Variants in THSD7B observed in about 807,000 individuals in gnomAD.
THSD7B encodes the protein thrombospondin type-1 domain-containing protein 7B.
Under a neutral mutation model 213.6 loss-of-function variants are expected in THSD7B, and 138 were observed. The observed-to-expected ratio is 0.65, with a 90% CI of 0.56 to 0.74. THSD7B has a LOEUF of 0.74. Among genes scored for constraint, THSD7B ranks in the 30% least tolerant of loss-of-function variants. THSD7B has a pLI of 0.00. For missense variants in THSD7B, 1,931 were observed against 1,991.5 expected (o/e 0.97, Z 0.58); for synonymous variants, 742 against 687.0 (o/e 1.08, Z -1.25).
chr2:137,561,710 A>G (rs1013812385), intron 15 of THSD7B, among the ~76,000 whole-genome samples: 3 of 152,102 alleles, frequency 2.0e-5, no homozygotes, highest in Non-Finnish European at 2.9e-5. Context: ...TACATCTACT[A>G]TCCTATGACT....
intron 16 of THSD7B, among the ~76,000 whole-genome samples, chr2:137,566,746 C>T (rs1272136404): frequency 1.3e-5 from 2 of 151,948 alleles, no homozygotes; most frequent in Non-Finnish European, 2.9e-5. Flanking sequence ...AATATAATAG[C>T]AGTAGAGATA....
chr2:136,856,291 G>A (rs1381530759), intron 1 of THSD7B, among the ~76,000 whole-genome samples: 4 of 152,130 alleles, frequency 2.6e-5, no homozygotes, highest in South Asian at 2.1e-4. Flanking sequence ...TGTTAGGAAA[G>A]GTTGAGGGGT....
chr2:137,615,171 G>A (rs956855883), intron 17 of THSD7B, among the ~76,000 whole-genome samples: 2 of 152,170 alleles, frequency 1.3e-5, no homozygotes, highest in African/African-American at 4.8e-5. Context: ...AAAGGAATTA[G>A]TAAAGAAAGT....
At chr2:137,116,571 C>T (rs1410806003) in intron 5 of THSD7B, among the ~76,000 whole-genome samples, 1 of 152,176 alleles carries the variant, frequency 6.6e-6, no homozygotes, top group East Asian at 1.9e-4. Flanking sequence ...TGCATTATGA[C>T]CTACCTATTT....
rs570230244 is a variant in THSD7B at position 137,156,294 on chromosome 2, A to G, written c.1370-3919A>G. 18 of 152,288 alleles carry G rather than the reference A, an allele frequency of 1.2e-4. No individual in the cohort carries two copies. In the East Asian group the frequency reaches 2.7e-3, roughly 23 times the overall value. 9.4% of individuals were successfully genotyped at this position (152,288 alleles called of 1,614,324 possible). Reference sequence around the variant, plus strand: ...GAGACAGGCTGACCCAAGCACATTGATTCAGTGTCTAAATGAAGCATCTTA... The same window carrying G: ...GAGACAGGCTGACCCAAGCACATTGGTTCAGTGTCTAAATGAAGCATCTTA... On this transcript the variant is annotated intron_variant, in intron 5 of 27. Coordinates refer to ENST00000409968, the MANE Select transcript of THSD7B (RefSeq NM_001316349.2).
At chr2:137,671,503 TAC>T (rs1683577435) in intron 27 of THSD7B, among the ~76,000 whole-genome samples, 1 of 600 alleles carries the variant, frequency 1.7e-3, no homozygotes, top group African/African-American at 2.0e-3. Flanking sequence ...TCAGGAAACT[TAC>T]TTACTTACAA....
At chr2:136,777,283 G>C (rs1033290571) in intron 1 of THSD7B, among the ~76,000 whole-genome samples, 1 of 152,140 alleles carries the variant, frequency 6.6e-6, no homozygotes, top group African/African-American at 2.4e-5. Context: ...TAGTACATGA[G>C]AGCCCAAAAC....
intron 12 of THSD7B, among the ~76,000 whole-genome samples, chr2:137,278,443 T>C (rs1682922747): frequency 6.6e-6 from 1 of 152,154 alleles, no homozygotes; most frequent in Non-Finnish European, 1.5e-5. Flanking sequence ...TATTAAATTA[T>C]CATTCAATTA....
intron 3 of THSD7B, among the ~76,000 whole-genome samples, chr2:137,070,730 A>G (rs1190889064): frequency 6.6e-6 from 1 of 151,310 alleles, no homozygotes; most frequent in Non-Finnish European, 1.5e-5. Flanking sequence ...ACCCCACAAC[A>G]ATCCCCGGTG....
intron 17 of THSD7B, among the ~76,000 whole-genome samples, chr2:137,607,067 T>C (rs7597076): frequency 0.31 from 47,172 of 151,788 alleles, 7,830 homozygotes; most frequent in South Asian, 0.48. Flanking sequence ...TTTAATATAA[T>C]GGGACTGACA....
chr2:137,075,394 T>C (rs1687598208), intron 3 of THSD7B, among the ~76,000 whole-genome samples: 1 of 152,248 alleles, frequency 6.6e-6, no homozygotes, highest in African/African-American at 2.4e-5. Flanking sequence ...CTGAGGCTTC[T>C]GCATTCATCA....
chr2:137,589,745 A>G (rs1681824218), intron 17 of THSD7B, among the ~76,000 whole-genome samples: 1 of 152,224 alleles, frequency 6.6e-6, no homozygotes, highest in African/African-American at 2.4e-5. Context: ...GCAAGCGTGT[A>G]GAATACTTTT....
At chr2:136,872,426 T>C (rs1198399982) in intron 1 of THSD7B, among the ~76,000 whole-genome samples, 1 of 151,850 alleles carries the variant, frequency 6.6e-6, no homozygotes, top group Admixed American at 6.6e-5. Context: ...ATAAGGGAAC[T>C]CTCCATACCC....
chr2:137,630,290 A>AGCCCCAAT (rs370326742), intron 20 of THSD7B, among the ~76,000 whole-genome samples: 6 of 152,276 alleles, frequency 3.9e-5, no homozygotes, highest in African/African-American at 1.4e-4. Context: ...CACCCCACCC[A>AGCCCCAAT]GCCCCAATCT....
intron 2 of THSD7B, among the ~76,000 whole-genome samples, chr2:136,934,473 G>A (rs1470030957): frequency 6.6e-6 from 1 of 152,068 alleles, no homozygotes; most frequent in Non-Finnish European, 1.5e-5. Flanking sequence ...GTCTTTCATT[G>A]TTTTACACTT....
intron 12 of THSD7B, among the ~76,000 whole-genome samples, chr2:137,294,583 C>CAAAAA (rs1210363889): frequency 5.6e-4 from 41 of 73,092 alleles, no homozygotes; most frequent in African/African-American, 9.4e-4. Flanking sequence ...AACTCCATCT[C>CAAAAA]AAAAAAAAAA....
At chr2:137,263,272 T>C (rs1441277586) in intron 10 of THSD7B, among the ~76,000 whole-genome samples, 1 of 151,858 alleles carries the variant, frequency 6.6e-6, no homozygotes, top group Non-Finnish European at 1.5e-5. Context: ...AATATATATA[T>C]ATACACACAC....
At chr2:137,047,313 C>T (rs963578691) in intron 2 of THSD7B, among the ~76,000 whole-genome samples, 1 of 152,078 alleles carries the variant, frequency 6.6e-6, no homozygotes, top group Non-Finnish European at 1.5e-5. Flanking sequence ...TTCAGCATAC[C>T]CATTTGACTC....
intron 10 of THSD7B, among the ~76,000 whole-genome samples, chr2:137,252,907 CTTGCT>C (rs1682219586): frequency 8.0e-6 from 1 of 125,218 alleles, no homozygotes; most frequent in Admixed American, 8.0e-5. Context: ...ATAGAAAAGG[CTTGCT>C]TTTTTTTTTT....
Sources: allele counts gnomAD v4.1 joint callset (sites outside exome capture counted in the v4.1 genomes callset), GRCh38; gene constraint gnomAD v4.1.1; transcripts MANE v1.5; gene names NCBI Gene and HGNC (gene_info 2026-07-23, HGNC 2026-07-21).